Variants in SAXO2 observed in about 807,000 individuals in gnomAD.
The protein encoded by SAXO2 is family with sequence similarity 154, member B.
Under a neutral mutation model 18.7 loss-of-function variants are expected in SAXO2, and 17 were observed. That is an observed-to-expected ratio of 0.91 (90% confidence interval 0.62 to 1.36). The LOEUF is 1.36. Among genes scored for constraint, SAXO2 ranks in the 40% most tolerant of loss-of-function variants. The pLI is 0.00. For synonymous variants in SAXO2, 163 were observed against 181.2 expected (o/e 0.90, Z 0.81); for missense variants, 486 against 562.6 (o/e 0.86, Z 1.38).
chr15:82,267,888 A>G (rs1193079435), intron 2 of SAXO2, among the ~76,000 whole-genome samples: 1 of 152,206 alleles, frequency 6.6e-6, no homozygotes, highest in East Asian at 1.9e-4. Context: ...AGTGGGTCTC[A>G]GGAAACTGCA....
At chr15:82,281,895 G>A (rs1405774359) in intron 3 of SAXO2, among the ~76,000 whole-genome samples, 2 of 151,950 alleles carry the variant, frequency 1.3e-5, no homozygotes, top group African/African-American at 2.4e-5. Flanking sequence ...TCTGAAAGTG[G>A]AAAGTTACAT....
Position 82,282,663 on chromosome 15 carries a change from C to A in SAXO2, c.978C>A (p.Ile326=). The part of the protein sequence containing the change: ...VPYQANHVVP[I]RPVSQKRSNN... ...ATCAGGCCAACCATGTTGTTCCCAT[C>A]AGGCCAGTTTCTCAAAAAAGAAGTA... The change falls in exon 4 of 4, where the codon ATC becomes ATA. Residue 326 remains isoleucine, a synonymous_variant. Transcript: ENST00000682753. 6.2e-7 allele frequency: 1 copy of A among 1,614,158 alleles called. No homozygotes were observed. The highest frequency in any genetic ancestry group is 1.1e-5 in the South Asian group (1 of 91,062).
intron 3 of SAXO2, among the ~76,000 whole-genome samples, chr15:82,274,896 C>A (rs1334357061): frequency 2.0e-5 from 3 of 151,568 alleles, no homozygotes; most frequent in Non-Finnish European, 4.4e-5. Context: ...ACAAACTAAA[C>A]CCAAAGCTAG....
At chr15:82,264,277 G>A (rs150572011) in intron 1 of SAXO2, among the ~76,000 whole-genome samples, 2,362 of 151,292 alleles carry the variant, frequency 0.016, 28 homozygotes, top group South Asian at 0.028. Context: ...TCACCATGTT[G>A]GCCTCCATCT....
chr15:82,275,313 A>AGACCAAATG (rs1303438451), intron 3 of SAXO2, among the ~76,000 whole-genome samples: 1 of 135,306 alleles, frequency 7.4e-6, no homozygotes, highest in Non-Finnish European at 1.6e-5. Context: ...AAAATGCCCC[A>AGACCAAATG]GACCAAATGG....
intron 3 of SAXO2, among the ~76,000 whole-genome samples, chr15:82,275,643 A>T (rs1215186509): frequency 6.6e-6 from 1 of 152,230 alleles, no homozygotes; most frequent in African/African-American, 2.4e-5. Context: ...AATAAATGTG[A>T]TTCACCACAT....
At chr15:82,274,227 A>G (rs1280022401) in intron 3 of SAXO2, among the ~76,000 whole-genome samples, 2 of 151,990 alleles carry the variant, frequency 1.3e-5, no homozygotes. Context: ...TTGTAGTTCA[A>G]GGATAAAGAA....
chr15:82,277,728 C>A (rs970966210), intron 3 of SAXO2, among the ~76,000 whole-genome samples: 1 of 152,204 alleles, frequency 6.6e-6, no homozygotes, highest in Admixed American at 6.5e-5. Flanking sequence ...AGACAGGAGG[C>A]AAGCACTGTT....
chr15:82,267,014 T>C (rs2075224898), intron 2 of SAXO2, among the ~76,000 whole-genome samples: 1 of 152,222 alleles, frequency 6.6e-6, no homozygotes, highest in East Asian at 1.9e-4. Flanking sequence ...AAACTGTTAA[T>C]GTATGTGCTG....
At chr15:82,275,281 CA>C (rs756023248) in intron 3 of SAXO2, among the ~76,000 whole-genome samples, 182 of 45,900 alleles carry the variant, frequency 4.0e-3, no homozygotes, top group East Asian at 0.015. Context: ...ACCTATCAAC[CA>C]AAAAAAAAAA....
intron 3 of SAXO2, among the ~76,000 whole-genome samples, chr15:82,280,144 C>T (rs2075350664): frequency 6.6e-6 from 1 of 151,954 alleles, no homozygotes; most frequent in Non-Finnish European, 1.5e-5. Context: ...AATAAATATT[C>T]CAGGCATATG....
rs1339171048 is a variant in SAXO2, at chr15:82,262,821, T to G, written c.-59T>G. The G allele has an allele frequency of 3.2e-6, 5 of 1,543,200 alleles. No homozygotes were observed. Among genetic ancestry groups the G allele is most frequent in the South Asian group, 2.4e-5 (2 of 83,584 alleles). Reference sequence around the variant, plus strand: ...CCGGGCATCCCTCTGTTGCCTTGACTACGGCGGGCGCTGTGGGAGTGGAGA... The same window carrying G: ...CCGGGCATCCCTCTGTTGCCTTGACGACGGCGGGCGCTGTGGGAGTGGAGA... On this transcript the variant is annotated 5_prime_UTR_variant, in exon 1 of 4. Transcript: ENST00000682753.
Position 82,265,627 on chromosome 15 carries a change from C to G in SAXO2, c.112C>G (p.Pro38Ala). ...TTATGAAAATTCTGGGGTGTTTTGCCCTACAACTGAATATTTGGAAAAATA... is the reference window on the plus strand; with the variant it reads ...TTATGAAAATTCTGGGGTGTTTTGCGCTACAACTGAATATTTGGAAAAATA... ...RIYENSGVFC[P>A]TTEYLEKYPM... Residue 38 changes from proline to alanine, a missense_variant, in exon 2 of 4, where the codon CCT (proline) becomes GCT (alanine). Physicochemically the swap from Pro to Ala is conservative, Grantham distance 27 (BLOSUM62 -1). Transcript: ENST00000682753. 1 of 1,475,954 alleles carries G rather than the reference C, an allele frequency of 6.8e-7. No individual in the cohort carries two copies. Among genetic ancestry groups the G allele is most frequent in the South Asian group, 1.3e-5 (1 of 74,108 alleles). The allele number at this position is 1,475,954 out of a possible 1,614,324, so 91.4% of individuals were successfully genotyped here. A position where few individuals can be genotyped will look rare whatever the true frequency, so the allele number is the denominator to read the frequency against.
In SAXO2 at chr15:82,265,567, A is replaced by G. The variant is rs1349175406; in HGVS notation, c.54-2A>G. 17 of 1,312,402 alleles carry G rather than the reference A, an allele frequency of 1.3e-5. No individual in the cohort carries two copies. Among genetic ancestry groups the G allele is most frequent in the Non-Finnish European group, 1.6e-5 (17 of 1,032,820 alleles). 81.3% of individuals were successfully genotyped at this position (1,312,402 alleles called of 1,614,324 possible). A position where few individuals can be genotyped will look rare whatever the true frequency, so the allele number is the denominator to read the frequency against. On this transcript the variant is annotated splice_acceptor_variant, in intron 1 of 3. Coordinates refer to ENST00000682753, the MANE Select transcript of SAXO2 (RefSeq NM_001348699.2). LOFTEE classifies it high-confidence loss of function. ...TAATCTTTCAGTTTATTTTTTGCAC[A>G]GGCGACATCATTGTCCACGTGGAAC...
At chr15:82,270,286 C>G (rs34686959) in intron 2 of SAXO2, among the ~76,000 whole-genome samples, 3 of 152,144 alleles carry the variant, frequency 2.0e-5, no homozygotes, top group Middle Eastern at 3.4e-3. Flanking sequence ...GTAGATGAAG[C>G]TACATAGGAA....
intron 2 of SAXO2, among the ~76,000 whole-genome samples, chr15:82,271,054 A>C (rs1400476079): frequency 6.6e-6 from 1 of 152,228 alleles, no homozygotes; most frequent in African/African-American, 2.4e-5. Flanking sequence ...GGAGATCCAA[A>C]GATTAGGAAC....
In SAXO2 at chr15:82,282,634, C is replaced by A; in HGVS notation, c.949C>A (p.Pro317Thr). Residue 317 changes from proline to threonine, a missense_variant, in exon 4 of 4, where the codon CCA becomes ACA. Pro to Thr is a conservative substitution (Grantham distance 38). Coordinates refer to ENST00000682753, the MANE Select transcript of SAXO2 (RefSeq NM_001348699.2). Reference protein sequence around the residue: ...LNSTSHLDYVPYQANHVVPIR... With the variant: ...LNSTSHLDYVTYQANHVVPIR... The stretch of plus-strand genomic sequence containing the variant: ...CAGCACAAGCCATCTTGACTATGTT[C>A]CATATCAGGCCAACCATGTTGTTCC... 6.2e-7 allele frequency: 1 copy of A among 1,614,126 alleles called. No individual in the cohort carries two copies. Among genetic ancestry groups the A allele is most frequent in the South Asian group, 1.1e-5 (1 of 91,046 alleles).
At chr15:82,269,235 A>C (rs369905049) in intron 2 of SAXO2, among the ~76,000 whole-genome samples, 1 of 152,330 alleles carries the variant, frequency 6.6e-6, no homozygotes, top group East Asian at 1.9e-4. Context: ...AACAGTGATA[A>C]AATCTATGAA....
chr15:82,278,595 CAG>C (rs1297428798), intron 3 of SAXO2, among the ~76,000 whole-genome samples: 1 of 152,112 alleles, frequency 6.6e-6, no homozygotes, highest in African/African-American at 2.4e-5. Flanking sequence ...TCAACAATAA[CAG>C]AATATACATT....
Sources: allele counts gnomAD v4.1 joint callset (sites outside exome capture counted in the v4.1 genomes callset), GRCh38; gene constraint gnomAD v4.1.1; transcripts MANE v1.5; gene names NCBI Gene and HGNC (gene_info 2026-07-23, HGNC 2026-07-21).